Variants in BIRC6 observed in about 807,000 individuals in gnomAD.
The protein encoded by BIRC6 is baculoviral IAP repeat containing 6, also known as dual E2 ubiquitin-conjugating enzyme/E3 ubiquitin-protein ligase BIRC6.
In BIRC6, 98 loss-of-function variants were observed where a neutral mutation model predicts 503.3. The observed-to-expected ratio is 0.19, with a 90% confidence interval of 0.17 to 0.23. BIRC6 has a LOEUF of 0.23. Among genes scored for constraint, BIRC6 ranks in the 10% least tolerant of loss-of-function variants. The probability of loss-of-function intolerance (pLI) is 1.00; values close to 1 mark genes in which losing one functional copy is unlikely to be tolerated. For missense variants in BIRC6, 5,360 were observed against 5,806.0 expected (o/e 0.92, Z 2.50); for synonymous variants, 2,240 against 2,078.7 (o/e 1.08, Z -2.11).
chr2:32,445,190 T>A (rs113555765), intron 20 of BIRC6, among the ~76,000 whole-genome samples: 2 of 152,358 alleles, frequency 1.3e-5, no homozygotes, highest in East Asian at 3.9e-4. Flanking sequence ...CTTTTTCAGC[T>A]ATTTCGAAGT....
chr2:32,419,241 T>C (rs2042694343), intron 10 of BIRC6, among the ~76,000 whole-genome samples: 1 of 152,242 alleles, frequency 6.6e-6, no homozygotes, highest in Non-Finnish European at 1.5e-5. Context: ...ATCAAATGGA[T>C]GTGACCCTGT....
chr2:32,445,771 T>C, intron 21 of BIRC6, 103 bp downstream of exon 21: 1 of 891,810 alleles, frequency 1.1e-6, no homozygotes, highest in Non-Finnish European at 1.5e-6. Context: ...ACAGTCTTTT[T>C]CTTACAAAAA....
intron 20 of BIRC6, among the ~76,000 whole-genome samples, chr2:32,444,203 C>G (rs931362305): frequency 2.0e-5 from 3 of 151,906 alleles, no homozygotes; most frequent in African/African-American, 7.3e-5. Flanking sequence ...GAAATAAGTT[C>G]TAGTGTTTGA....
intron 11 of BIRC6, among the ~76,000 whole-genome samples, chr2:32,430,408 C>A (rs1420732186): frequency 6.6e-6 from 1 of 152,030 alleles, no homozygotes; most frequent in Non-Finnish European, 1.5e-5. Context: ...ATTTCTTTAC[C>A]ACATAGCTTT....
intron 65 of BIRC6, among the ~76,000 whole-genome samples, chr2:32,569,337 C>T (rs1404237809): frequency 6.6e-6 from 1 of 151,670 alleles, no homozygotes; most frequent in African/African-American, 2.4e-5. Flanking sequence ...AAATATATTC[C>T]TAGGTATTTT....
At chr2:32,555,805 C>T (rs2058729575) in intron 65 of BIRC6, among the ~76,000 whole-genome samples, 1 of 150,826 alleles carries the variant, frequency 6.6e-6, no homozygotes, top group African/African-American at 2.4e-5. Context: ...AATCAACACT[C>T]GCCTGTAGTC....
At position 32,397,639 on chromosome 2, in the gene BIRC6, TACAC is replaced by T. The variant is rs750005767; in HGVS notation, c.1034+2058_1034+2061del. ...GTGTATATATATATATGTATATATA[TACAC>T]ACACACACACATATATGTGTATATA... On this transcript the variant is annotated intron_variant, in intron 6 of 73. Transcript: ENST00000421745. Among the ~76,000 whole-genome samples the T allele has an allele frequency of 6.0e-3, 860 of 142,198 alleles. 16 individuals carry two copies. The highest frequency in any genetic ancestry group is 0.022 in the African/African-American group (824 of 38,304). The allele number at this position is 142,198 out of a possible 152,430, so 93.3% of individuals were successfully genotyped here.
chr2:32,590,826 T>G (rs1573233453), intron 66 of BIRC6: 1 of 985,906 alleles, frequency 1.0e-6, no homozygotes, highest in Non-Finnish European at 1.2e-6. Context: ...ACAACCAGAT[T>G]CAACGTATGC....
At chr2:32,594,180 C>A in intron 67 of BIRC6, 120 bp downstream of exon 67, 1 of 1,172,000 alleles carries the variant, frequency 8.5e-7, no homozygotes, top group Non-Finnish European at 1.2e-6. Flanking sequence ...GTTCATTTAC[C>A]TAAAAATTTT....
Position 32,434,892 on chromosome 2 carries a change from A to G in BIRC6, c.3410-604A>G, listed in dbSNP as rs564103390. On this transcript the variant is annotated intron_variant, in intron 13 of 73. Transcript: ENST00000421745. ...TAAATAGTATTTGCATGGCATTCAC[A>G]TTGTATTAGGTTTTATTAGTAAACT... Among the ~76,000 whole-genome samples, 11 of 152,286 alleles carry G rather than the reference A, an allele frequency of 7.2e-5. No homozygotes were observed. In the East Asian group the frequency reaches 2.1e-3, roughly 29 times the overall value.
intron 49 of BIRC6, among the ~76,000 whole-genome samples, chr2:32,504,798 T>C (rs1275987081): frequency 2.6e-5 from 4 of 152,222 alleles, no homozygotes; most frequent in Non-Finnish European, 5.9e-5. Context: ...CAGTTAATAA[T>C]GAACTTGTCA....
chr2:32,538,164 A>G (rs1212725147), intron 61 of BIRC6, among the ~76,000 whole-genome samples: 4 of 152,176 alleles, frequency 2.6e-5, no homozygotes, highest in Non-Finnish European at 2.9e-5. Flanking sequence ...AGCCACAGTC[A>G]TATTGGCTGG....
At chr2:32,495,792 T>G (rs1389480524) in intron 45 of BIRC6, among the ~76,000 whole-genome samples, 1 of 139,060 alleles carries the variant, frequency 7.2e-6, no homozygotes, top group African/African-American at 2.9e-5. Context: ...AGGATGAAGT[T>G]TTTTTTTTTT....
chr2:32,605,364 A>T (rs1272487061), intron 71 of BIRC6, among the ~76,000 whole-genome samples: 3 of 152,168 alleles, frequency 2.0e-5, no homozygotes, highest in Non-Finnish European at 4.4e-5. Flanking sequence ...ATAAAACCAT[A>T]TTGTGTCTCA....
rs185615019 is a variant in BIRC6, at chr2:32,590,268, A to C, written c.13356-3647A>C. Among the ~76,000 whole-genome samples, 162 of 152,346 alleles carry C rather than the reference A, an allele frequency of 1.1e-3. 1 individual carries two copies. Among genetic ancestry groups the C allele is most frequent in the African/African-American group, 3.8e-3 (160 of 41,584 alleles). On this transcript the variant is annotated intron_variant, in intron 66 of 73. Coordinates refer to ENST00000421745, the MANE Select transcript of BIRC6 (RefSeq NM_016252.4). ...ATCAGTGCTTTTTGGTAAATGTAGA[A>C]GTTTCATTCTCTTATAGTTTTAGAA... is the stretch of plus-strand genomic sequence containing the variant.
In BIRC6 at chr2:32,429,026, T is replaced by C. The variant is rs1292300745; in HGVS notation, c.2873-120T>C. ...TCTAAACTCTTGGAAATACATCACA[T>C]TGGTAGCTTTCCTTATCTGCCTATG... On this transcript the variant is annotated intron_variant, in intron 10 of 73. Coordinates refer to ENST00000421745, the MANE Select transcript of BIRC6 (RefSeq NM_016252.4). 8.1e-6 allele frequency: 7 copies of C among 864,210 alleles called. No homozygotes were observed. The African/African-American group carries it at 1.2e-4, about 15-fold the overall frequency. 53.5% of individuals were successfully genotyped at this position (864,210 alleles called of 1,614,324 possible).
At chr2:32,528,065 G>A (rs1353872540) in intron 59 of BIRC6, 1 of 152,170 alleles carries the variant, frequency 6.6e-6, no homozygotes. Context: ...AAGCCTTCCA[G>A]CAGAATGTCT....
intron 30 of BIRC6, 96 bp downstream of exon 30, chr2:32,469,710 G>A (rs977908717): frequency 1.8e-6 from 2 of 1,112,922 alleles, no homozygotes; most frequent in African/African-American, 3.1e-5. Flanking sequence ...TGGATACTAA[G>A]TTGTGAATAT....
intron 1 of BIRC6, among the ~76,000 whole-genome samples, chr2:32,367,706 C>G (rs1456886043): frequency 6.6e-6 from 1 of 151,192 alleles, no homozygotes; most frequent in African/African-American, 2.4e-5. Context: ...ATTCCAGCTA[C>G]TCGGGAGGCT....
Sources: allele counts gnomAD v4.1 joint callset (sites outside exome capture counted in the v4.1 genomes callset), GRCh38; gene constraint gnomAD v4.1.1; transcripts MANE v1.5; gene names NCBI Gene and HGNC (gene_info 2026-07-23, HGNC 2026-07-21).